Variants in RGPD2 observed in about 807,000 individuals in gnomAD.
The protein encoded by RGPD2 is RANBP2-like and GRIP domain-containing protein 2.
Under a neutral mutation model 36.0 loss-of-function variants are expected in RGPD2, and 2 were observed. That is an observed-to-expected ratio of 0.06 (90% confidence interval 0.02 to 0.17). The LOEUF is 0.17. RGPD2 is among the 10% of genes least tolerant of loss of function. The probability of loss-of-function intolerance (pLI) is 1.00; values close to 1 mark genes in which losing one functional copy is unlikely to be tolerated. For missense variants in RGPD2, 40 were observed against 464.3 expected, an observed-to-expected ratio of 0.09 and a Z score of 8.40; for synonymous variants, 19 against 163.8, an observed-to-expected ratio of 0.12 and a Z score of 6.75.
At chr2:87,809,988 A>C (rs1574020785) in intron 6 of RGPD2, among the ~76,000 whole-genome samples, 1 of 49,760 alleles carries the variant, frequency 2.0e-5, no homozygotes. Context: ...ACAGAGCGAG[A>C]CTCTGTCTCA....
Position 87,783,095 on chromosome 2 carries a change from G to A in RGPD2, c.3929C>T (p.Thr1310Ile). The change falls in exon 20 of 23, where the codon ACT becomes ATT. Residue 1310 changes from threonine (T) to isoleucine (I), a missense_variant. Coordinates refer to ENST00000398146, the MANE Select transcript of RGPD2 (RefSeq NM_001078170.3). ...TTGAGTAACATCAGATTCTTCATCA[G>A]TGCCAACTGAAGTCCCACTCTGATT... ...KLNQSGTSVG[T>I]DEESDVTQEE... The A allele has an allele frequency of 6.5e-7, 1 of 1,532,242 alleles. No individual in the cohort carries two copies. The highest frequency in any genetic ancestry group is 8.8e-7 in the Non-Finnish European group (1 of 1,139,194). 94.9% of individuals were successfully genotyped at this position (1,532,242 alleles called of 1,614,324 possible).
chr2:87,842,614 T>C, the RGPD2 span, among the ~76,000 whole-genome samples: 2 of 147,276 alleles, frequency 1.4e-5, no homozygotes, highest in Non-Finnish European at 3.0e-5. Flanking sequence ...AGAATCAATA[T>C]CATGAAAATG....
chr2:87,961,750 G>A, the RGPD2 span, among the ~76,000 whole-genome samples: 105 of 146,400 alleles, frequency 7.2e-4, 1 homozygote, highest in African/African-American at 2.5e-3. Flanking sequence ...TCCTGCGGGT[G>A]GAACACTTAG....
the RGPD2 span, among the ~76,000 whole-genome samples, chr2:87,841,448 C>T: frequency 6.6e-6 from 1 of 152,156 alleles, no homozygotes; most frequent in Non-Finnish European, 1.5e-5. Flanking sequence ...CCTAACACCA[C>T]AGTCTCATAT....
At chr2:87,845,770 G>C in the RGPD2 span, among the ~76,000 whole-genome samples, 1 of 152,012 alleles carries the variant, frequency 6.6e-6, no homozygotes, top group African/African-American at 2.4e-5. Context: ...TATATTTTTA[G>C]TAATGCTTTA....
chr2:87,957,520 A>G, the RGPD2 span, among the ~76,000 whole-genome samples: 4 of 152,122 alleles, frequency 2.6e-5, no homozygotes, highest in African/African-American at 4.8e-5. Flanking sequence ...TGGCAGTTCT[A>G]TGCCGTACCT....
chr2:87,836,970 T>C, the RGPD2 span, among the ~76,000 whole-genome samples: 1 of 151,808 alleles, frequency 6.6e-6, no homozygotes. Context: ...CCAACAATCA[T>C]CAAAAAGGAC....
chr2:87,897,479 T>G, the RGPD2 span, among the ~76,000 whole-genome samples: 681 of 152,036 alleles, frequency 4.5e-3, 1 homozygote, highest in African/African-American at 0.016. Flanking sequence ...TTTATTTTAT[T>G]TTTTTAGGTT....
chr2:87,920,415 A>AT, the RGPD2 span, among the ~76,000 whole-genome samples: 1 of 151,388 alleles, frequency 6.6e-6, no homozygotes, highest in Non-Finnish European at 1.5e-5. Flanking sequence ...GAAAAAAAAA[A>AT]GCTTTGAATG....
At chr2:87,858,439 C>T in the RGPD2 span, among the ~76,000 whole-genome samples, 3 of 151,482 alleles carry the variant, frequency 2.0e-5, no homozygotes, top group African/African-American at 4.8e-5. Flanking sequence ...TTTTTTTTTC[C>T]CCTTTTTTTG....
the RGPD2 span, among the ~76,000 whole-genome samples, chr2:87,836,534 T>C: frequency 4.0e-5 from 6 of 151,316 alleles, no homozygotes; most frequent in Admixed American, 3.3e-4. Context: ...ATTAAATATT[T>C]ATTAGACCAA....
At chr2:87,846,400 G>A in the RGPD2 span, among the ~76,000 whole-genome samples, 3 of 151,972 alleles carry the variant, frequency 2.0e-5, no homozygotes, top group Non-Finnish European at 2.9e-5. Flanking sequence ...TGAACAATTA[G>A]ATTATTTATA....
the RGPD2 span, among the ~76,000 whole-genome samples, chr2:87,868,694 G>A: frequency 5.3e-5 from 8 of 151,854 alleles, no homozygotes; most frequent in Non-Finnish European, 8.8e-5. Flanking sequence ...TCTATCTCAA[G>A]TCCTTTGCCC....
At chr2:87,966,428 G>C in the RGPD2 span, among the ~76,000 whole-genome samples, 1 of 147,810 alleles carries the variant, frequency 6.8e-6, no homozygotes, top group Non-Finnish European at 1.5e-5. Flanking sequence ...AAATAGGGGA[G>C]GGGATTGTTA....
At chr2:87,877,804 C>CAAAAAAAAAAAAAAAAAAAAAAAAAAA in the RGPD2 span, among the ~76,000 whole-genome samples, 3 of 84,418 alleles carry the variant, frequency 3.6e-5, no homozygotes, top group Non-Finnish European at 4.2e-5. Flanking sequence ...GACTCCGTCT[C>CAAAAAAAAAAAAAAAAAAAAAAAAAAA]AAAAAAAAAA....
At chr2:87,951,315 G>A in the RGPD2 span, among the ~76,000 whole-genome samples, 3 of 151,224 alleles carry the variant, frequency 2.0e-5, no homozygotes, top group Non-Finnish European at 4.4e-5. Flanking sequence ...AAGAACATGC[G>A]TACCAACTCC....
chr2:87,831,245 A>G, the RGPD2 span, among the ~76,000 whole-genome samples: 1 of 152,174 alleles, frequency 6.6e-6, no homozygotes, highest in East Asian at 1.9e-4. Flanking sequence ...AAAAGATATC[A>G]ATGGAAAATA....
the RGPD2 span, among the ~76,000 whole-genome samples, chr2:87,935,671 GTC>G: frequency 6.6e-6 from 1 of 151,210 alleles, no homozygotes; most frequent in Admixed American, 6.6e-5. Context: ...AGAGTGAAGA[GTC>G]TGTTGAAATA....
At chr2:87,988,428 A>AG in the RGPD2 span, among the ~76,000 whole-genome samples, 6 of 124,964 alleles carry the variant, frequency 4.8e-5, 1 homozygote, top group Non-Finnish European at 1.7e-5. Context: ...ACATTACAGA[A>AG]AAAAAACATT....
Sources: allele counts gnomAD v4.1 joint callset (sites outside exome capture counted in the v4.1 genomes callset), GRCh38; gene constraint gnomAD v4.1.1; transcripts MANE v1.5; gene names NCBI Gene and HGNC (gene_info 2026-07-23, HGNC 2026-07-21).